Variants in LDAF1 observed in about 807,000 individuals in gnomAD.
LDAF1 encodes the protein PROMETHIN.
Under a neutral mutation model 13.5 loss-of-function variants are expected in LDAF1, and 7 were observed. That is an observed-to-expected ratio of 0.52 (90% confidence interval 0.29 to 0.97). The LOEUF is 0.97. Ranked by LOEUF, LDAF1 falls within the 50% of genes least tolerant of loss-of-function variation. The probability of loss-of-function intolerance (pLI) is 0.07; values close to 1 mark genes in which losing one functional copy is unlikely to be tolerated. For missense variants in LDAF1, 148 were observed against 193.2 expected, an observed-to-expected ratio of 0.77 and a Z score of 1.39; for synonymous variants, 69 against 77.1, an observed-to-expected ratio of 0.89 and a Z score of 0.55.
At chr16:21,174,261 C>T (rs2093119211) in intron 4 of LDAF1, 113 bp downstream of exon 4, 3 of 981,736 alleles carry the variant, frequency 3.1e-6, no homozygotes, top group Non-Finnish European at 4.4e-6. Flanking sequence ...ATGAACATAG[C>T]TCGCTACAGC....
intron 2 of LDAF1, among the ~76,000 whole-genome samples, chr16:21,169,846 A>G (rs1392257893): frequency 1.3e-5 from 2 of 150,748 alleles, no homozygotes; most frequent in East Asian, 2.0e-4. Context: ...CAGACTTGCC[A>G]CCTCTCCACA....
At chr16:21,171,871 G>A (rs1385028302) in intron 3 of LDAF1, among the ~76,000 whole-genome samples, 6 of 151,846 alleles carry the variant, frequency 4.0e-5, no homozygotes, top group Admixed American at 3.9e-4. Flanking sequence ...CCAAGTAGTT[G>A]GGATTACAGG....
At chr16:21,169,895 G>GA (rs767985234) in intron 2 of LDAF1, among the ~76,000 whole-genome samples, 7 of 150,428 alleles carry the variant, frequency 4.7e-5, no homozygotes, top group Non-Finnish European at 1.0e-4. Flanking sequence ...CATGTCTTGG[G>GA]AGAAGTCTTG....
intron 1 of LDAF1, 108 bp from the exon 2 acceptor site, chr16:21,160,977 G>C (rs2092967397): frequency 2.3e-6 from 3 of 1,317,556 alleles, no homozygotes; most frequent in Admixed American, 3.5e-5. Context: ...AATATTGCCA[G>C]GTTACCCTCC....
At position 21,166,910 on chromosome 16, in the gene LDAF1, A is replaced by G. The variant is rs1304653493; in HGVS notation, c.97-3527A>G. ...TCCAGGCTGGGCAGTGCTGGCTCCA[A>G]GGTGATTCCTGCTACAGTCATCTCT... On this transcript the variant is annotated intron_variant, in intron 2 of 4. Coordinates refer to ENST00000233047, the MANE Select transcript of LDAF1 (RefSeq NM_001301771.2). The G allele has an allele frequency of 6.5e-6, 10 of 1,535,576 alleles. No homozygotes were observed. In the East Asian group the frequency reaches 7.3e-5, roughly 11 times the overall value.
At chr16:21,163,649 A>G (rs972428897) in intron 2 of LDAF1, among the ~76,000 whole-genome samples, 1 of 151,984 alleles carries the variant, frequency 6.6e-6, no homozygotes, top group Non-Finnish European at 1.5e-5. Flanking sequence ...TATCTCAGAC[A>G]AAACAAAACA....
At position 21,179,633 on chromosome 16, in the gene LDAF1, A is replaced by C. The variant is rs749263487; in HGVS notation, c.*77A>C. 1.5e-5 allele frequency: 21 copies of C among 1,378,808 alleles called. No individual in the cohort carries two copies. The highest frequency in any genetic ancestry group is 2.0e-4 in the Middle Eastern group (1 of 4,890). 85.4% of individuals were successfully genotyped at this position (1,378,808 alleles called of 1,614,324 possible). Reference sequence around the variant, plus strand: ...CCCCTTGGGATTATGGCTTAGAAGAAGGGGGCTGGGTAGGCAAGCACTCCT... The same window carrying C: ...CCCCTTGGGATTATGGCTTAGAAGACGGGGGCTGGGTAGGCAAGCACTCCT... On this transcript the variant is annotated 3_prime_UTR_variant, in exon 5 of 5. Coordinates refer to ENST00000233047, the MANE Select transcript of LDAF1 (RefSeq NM_001301771.2).
Position 21,170,751 on chromosome 16 carries a change from C to T in LDAF1, c.265+146C>T, listed in dbSNP as rs988325163. 8.5e-6 allele frequency: 8 copies of T among 940,498 alleles called. No homozygotes were observed. The African/African-American group carries it at 1.3e-4, about 16-fold the overall frequency. 58.3% of individuals were successfully genotyped at this position (940,498 alleles called of 1,614,324 possible). ...AAACTCCTGGGCTCAAGTGATCCTC[C>T]CACGTCGGCCTGCCAAAGTGCTGGG... On this transcript the variant is annotated intron_variant, in intron 3 of 4. Coordinates refer to ENST00000233047, the MANE Select transcript of LDAF1 (RefSeq NM_001301771.2).
intron 3 of LDAF1, 72 bp from the exon 4 acceptor site, chr16:21,173,937 AG>A: frequency 7.0e-7 from 1 of 1,438,314 alleles, no homozygotes; most frequent in Non-Finnish European, 9.4e-7. Flanking sequence ...TATTTTAAAC[AG>A]ACTGACCCAG....
chr16:21,170,483 A>G lies in LDAF1; in HGVS notation c.143A>G (p.His48Arg), dbSNP rs777720060. ...KSPVGQYLDS[H>R]PFLAFTLLVF... ...CCAGTGGGTCAGTACTTGGACAGCC[A>G]TCCGTTTCTGGCCTTCACCTTGCTG... The change falls in exon 3 of 5, where the codon CAT becomes CGT. Residue 48 changes from histidine to arginine, a missense_variant. By Grantham distance (29) the His-to-Arg change is conservative. Transcript: ENST00000233047. The G allele has an allele frequency of 6.2e-7, 1 of 1,614,080 alleles. No individual in the cohort carries two copies. Among genetic ancestry groups the G allele is most frequent in the Non-Finnish European group, 8.5e-7 (1 of 1,180,026 alleles).
chr16:21,167,406 A>G (rs1193300395), intron 2 of LDAF1, among the ~76,000 whole-genome samples: 2 of 152,260 alleles, frequency 1.3e-5, no homozygotes, highest in Admixed American at 6.5e-5. Flanking sequence ...CTAGAATACC[A>G]GTACTGAGGA....
At chr16:21,172,272 C>A (rs2093096303) in intron 3 of LDAF1, among the ~76,000 whole-genome samples, 1 of 151,484 alleles carries the variant, frequency 6.6e-6, no homozygotes, top group South Asian at 2.1e-4. Context: ...ATGGTGAAAC[C>A]CCATCTCTAC....
intron 2 of LDAF1, 87 bp from the exon 3 acceptor site, chr16:21,170,350 C>T: frequency 6.3e-7 from 1 of 1,581,568 alleles, no homozygotes. Context: ...CGACTTCTGC[C>T]TTGTAATTCC....
intron 3 of LDAF1, among the ~76,000 whole-genome samples, chr16:21,171,728 G>C (rs1597554971): frequency 6.6e-6 from 1 of 151,996 alleles, no homozygotes; most frequent in East Asian, 1.9e-4. Flanking sequence ...TCTTGAACCT[G>C]AGTGTATTTA....
chr16:21,170,003 C>T (rs1173355316), intron 2 of LDAF1, among the ~76,000 whole-genome samples: 2 of 150,454 alleles, frequency 1.3e-5, no homozygotes, highest in African/African-American at 4.9e-5. Context: ...CCCAGGCTGG[C>T]GTGCAATGGT....
At chr16:21,166,774 G>T (rs923911900) in intron 2 of LDAF1, 12 of 1,397,642 alleles carry the variant, frequency 8.6e-6, no homozygotes, top group Non-Finnish European at 1.1e-5. Context: ...CTGAGACAGC[G>T]CAAGGGACCA....
chr16:21,168,583 TTATATAA>T (rs1213960800), intron 2 of LDAF1, among the ~76,000 whole-genome samples: 1 of 143,626 alleles, frequency 7.0e-6, no homozygotes, highest in Non-Finnish European at 1.5e-5. Context: ...TATAATATAT[TTATATAA>T]TATATAATAA....
chr16:21,159,405 C>T lies in LDAF1; in HGVS notation c.-99+659C>T, dbSNP rs150677996. ...AAGGCTGGGCCCGGATGGGGAGGGG[C>T]GGCCAGTGTGAGCTCGAGGCGCCCT... is the stretch of plus-strand genomic sequence containing the variant. On this transcript the variant is annotated intron_variant, in intron 1 of 4. Coordinates refer to ENST00000233047, the MANE Select transcript of LDAF1 (RefSeq NM_001301771.2). 6.5e-5 allele frequency: 105 copies of T among 1,614,082 alleles called. No homozygotes were observed. The African/African-American group carries it at 1.3e-3, about 20-fold the overall frequency.
At chr16:21,166,691 T>C (rs2093027328) in intron 2 of LDAF1, 1 of 654,264 alleles carries the variant, frequency 1.5e-6, no homozygotes, top group East Asian at 2.7e-5. Context: ...GTTCTTTGGA[T>C]TGTAAAGATC....
Sources: allele counts gnomAD v4.1 joint callset (sites outside exome capture counted in the v4.1 genomes callset), GRCh38; gene constraint gnomAD v4.1.1; transcripts MANE v1.5; gene names NCBI Gene and HGNC (gene_info 2026-07-23, HGNC 2026-07-21).